The following FBXL5 variants were observed in gnomAD, a reference collection of about 807,000 sequenced individuals.
FBXL5 encodes F-box and leucine rich repeat protein 5, also known as F-box/LRR-repeat protein 5.
In FBXL5, 26 loss-of-function variants were observed where a neutral mutation model predicts 78.3. That is an observed-to-expected ratio of 0.33 (90% CI 0.24 to 0.46). FBXL5 has a LOEUF of 0.46. Ranked by LOEUF, FBXL5 falls within the 20% of genes least tolerant of loss-of-function variation. The pLI, the probability that FBXL5 is intolerant of heterozygous loss-of-function variation, is 1.00. For missense variants in FBXL5, 710 were observed against 829.2 expected, an observed-to-expected ratio of 0.86 and a Z score of 1.77; for synonymous variants, 295 against 282.5, an observed-to-expected ratio of 1.04 and a Z score of -0.45.
At chr4:15,678,073 C>T (rs1033752149) in intron 1 of FBXL5, among the ~76,000 whole-genome samples, 1 of 152,146 alleles carries the variant, frequency 6.6e-6, no homozygotes, top group Admixed American at 6.5e-5. Context: ...TTCATACATA[C>T]TTTCTTTTCT....
intron 9 of FBXL5, among the ~76,000 whole-genome samples, chr4:15,617,961 C>A (rs1321398234): frequency 6.6e-6 from 1 of 151,642 alleles, no homozygotes; most frequent in African/African-American, 2.4e-5. Context: ...ATACCCTGAA[C>A]TTAAAAGTTG....
intron 9 of FBXL5, among the ~76,000 whole-genome samples, chr4:15,620,759 G>A (rs762313710): frequency 1.8e-4 from 27 of 152,352 alleles, no homozygotes; most frequent in Admixed American, 1.4e-3. Context: ...GGGGGTTTAC[G>A]GGAATGAGGG....
intron 1 of FBXL5, among the ~76,000 whole-genome samples, chr4:15,668,932 C>T (rs1027510182): frequency 6.6e-6 from 1 of 152,146 alleles, no homozygotes; most frequent in African/African-American, 2.4e-5. Flanking sequence ...TTACTTTTTA[C>T]CACTGCAGAA....
At position 15,621,224 on chromosome 4, in the gene FBXL5, C is replaced by CA. The variant is rs200841758; in HGVS notation, c.1850+4027dup. On this transcript the variant is annotated intron_variant, in intron 9 of 10. Coordinates refer to ENST00000341285, the MANE Select transcript of FBXL5 (RefSeq NM_012161.4). The stretch of plus-strand genomic sequence containing the variant: ...TATGTAGAAAACCCTAATGAATTCA[C>CA]AAAAAAAATGTTAGAACTAATAAAT... Among the ~76,000 whole-genome samples the CA allele has an allele frequency of 9.9e-3, 1,492 of 151,320 alleles. 26 individuals carry two copies. Among genetic ancestry groups the CA allele is most frequent in the African/African-American group, 0.034 (1,416 of 41,302 alleles).
chr4:15,611,789 G>T (rs1722287170), intron 10 of FBXL5, among the ~76,000 whole-genome samples: 1 of 152,000 alleles, frequency 6.6e-6, no homozygotes, highest in Non-Finnish European at 1.5e-5. Context: ...TTTGCTAAGA[G>T]TTGTCATCAG....
chr4:15,667,998 G>A (rs939700587), intron 1 of FBXL5, among the ~76,000 whole-genome samples: 3 of 149,744 alleles, frequency 2.0e-5, no homozygotes, highest in Non-Finnish European at 3.0e-5. Context: ...CCAAGATTGC[G>A]CCATTGCACT....
At chr4:15,664,417 G>C (rs1199216748), upstream of FBXL5, among the ~76,000 whole-genome samples, 2 of 151,994 alleles carry the variant, frequency 1.3e-5, no homozygotes, top group Non-Finnish European at 2.9e-5. Flanking sequence ...AATTCCTATT[G>C]AACAGGACCC....
chr4:15,621,304 A>G (rs1712457631), intron 9 of FBXL5, among the ~76,000 whole-genome samples: 2 of 152,252 alleles, frequency 1.3e-5, no homozygotes, highest in Admixed American at 1.3e-4. Context: ...ATACTTCTAT[A>G]TACTAGCAAT....
Position 15,640,897 on chromosome 4 carries a change from A to T in FBXL5, c.301-14T>A, listed in dbSNP as rs766568013. On this transcript the variant is annotated splice_polypyrimidine_tract_variant and intron_variant, in intron 2 of 10. Transcript: ENST00000341285. ...TTCATATTCATTCTGGAAACCAAAA[A>T]AAAAATACATTTTTATAAAAGTTTC... is the stretch of plus-strand genomic sequence containing the variant. The T allele has an allele frequency of 6.0e-6, 8 of 1,332,050 alleles. No individual in the cohort carries two copies. In the African/African-American group the frequency reaches 1.2e-4, roughly 20 times the overall value. The allele number at this position is 1,332,050 out of a possible 1,614,324, so 82.5% of individuals were successfully genotyped here.
At chr4:15,659,744 T>C, upstream of FBXL5, 1 of 984,718 alleles carries the variant, frequency 1.0e-6, no homozygotes, top group Non-Finnish European at 1.2e-6. Flanking sequence ...CATTTACCTC[T>C]TAGTAAATAT....
chr4:15,672,026 A>C (rs546118728), intron 1 of FBXL5, among the ~76,000 whole-genome samples: 1 of 152,302 alleles, frequency 6.6e-6, no homozygotes, highest in African/African-American at 2.4e-5. Flanking sequence ...TTTGGAGATT[A>C]CATTGTGGAT....
upstream of FBXL5, among the ~76,000 whole-genome samples, chr4:15,659,119 G>A (rs796783894): frequency 6.6e-6 from 1 of 152,240 alleles, no homozygotes; most frequent in African/African-American, 2.4e-5. Flanking sequence ...TCAGAAGAAT[G>A]TCATAAATGG....
intron 3 of FBXL5, among the ~76,000 whole-genome samples, chr4:15,640,393 G>A (rs1196048366): frequency 4.3e-3 from 393 of 91,472 alleles, no homozygotes; most frequent in Middle Eastern, 0.014. Context: ...CTACACTACT[G>A]AAAAAAAAAA....
chr4:15,664,077 A>T (rs1332020186), upstream of FBXL5, among the ~76,000 whole-genome samples: 1 of 152,238 alleles, frequency 6.6e-6, no homozygotes, highest in Non-Finnish European at 1.5e-5. Context: ...CCAAGATTCA[A>T]ACTTAGGCAG....
At chr4:15,619,060 AG>A (rs113127506) in intron 9 of FBXL5, among the ~76,000 whole-genome samples, 2 of 152,038 alleles carry the variant, frequency 1.3e-5, no homozygotes, top group African/African-American at 2.4e-5. Context: ...GTGGTGGGGC[AG>A]GGGGGTGCTG....
upstream of FBXL5, among the ~76,000 whole-genome samples, chr4:15,657,727 C>T (rs959607386): frequency 3.3e-5 from 5 of 152,218 alleles, no homozygotes; most frequent in Non-Finnish European, 7.4e-5. Context: ...AGCAATTAAT[C>T]ACCTGATATA....
chr4:15,665,875 C>T, intron 1 of FBXL5, among the ~76,000 whole-genome samples: 1 of 152,154 alleles, frequency 6.6e-6, no homozygotes, highest in African/African-American at 2.4e-5. Context: ...CCTGTTCTGA[C>T]ACCCTCCAAA....
intron 9 of FBXL5, among the ~76,000 whole-genome samples, chr4:15,617,426 T>C (rs995915779): frequency 6.6e-6 from 1 of 151,536 alleles, no homozygotes; most frequent in Non-Finnish European, 1.5e-5. Flanking sequence ...CATGAGCCTG[T>C]AGTCCCAGCT....
At chr4:15,656,102 G>C (rs1336491397), upstream of FBXL5, 25 of 448,876 alleles carry the variant, frequency 5.6e-5, no homozygotes, top group Admixed American at 5.9e-4. Flanking sequence ...ACGCGGGTCA[G>C]GGATAGGCCC....
Sources: allele counts gnomAD v4.1 joint callset (sites outside exome capture counted in the v4.1 genomes callset), GRCh38; gene constraint gnomAD v4.1.1; transcripts MANE v1.5; gene names NCBI Gene and HGNC (gene_info 2026-07-23, HGNC 2026-07-21).